The following LAMC3 variants were observed in gnomAD, a reference collection of about 807,000 sequenced individuals.
LAMC3 encodes laminin subunit gamma 3.
LAMC3 carries 128 observed loss-of-function variants against 173.8 expected under a neutral mutation model. The observed-to-expected ratio is 0.74, with a 90% CI of 0.64 to 0.85. The LOEUF is 0.85. LAMC3 is among the 40% of genes least tolerant of loss of function. The pLI is 0.00. For missense variants in LAMC3, 2,022 were observed against 2,156.0 expected (o/e 0.94, Z 1.23); for synonymous variants, 897 against 909.1 (o/e 0.99, Z 0.24).
chr9:131,091,621 C>T lies in LAMC3; in HGVS notation c.4562C>T (p.Ser1521Phe), dbSNP rs769624046. ...GAACGCCTGAGGCTGCAGCTGGGCT[C>T]CCCGGGGTCCTTGCAGAGGAAACTC... ...ALERLRLQLGSPGSLQRKLSL... is the reference protein window; with the variant it reads ...ALERLRLQLGFPGSLQRKLSL... The change falls in exon 28 of 28, where the codon TCC becomes TTC. Residue 1521 changes from serine (S) to phenylalanine (F), a missense_variant. Physicochemically the swap from Ser to Phe is radical, Grantham distance 155. Transcript: ENST00000361069. The T allele has an allele frequency of 6.3e-7, 1 of 1,596,522 alleles. No homozygotes were observed. Among genetic ancestry groups the T allele is most frequent in the Admixed American group, 1.8e-5 (1 of 56,828 alleles).
At chr9:131,054,319 AG>A (rs1834357115) in intron 11 of LAMC3, among the ~76,000 whole-genome samples, 1 of 152,110 alleles carries the variant, frequency 6.6e-6, no homozygotes. Context: ...GATGCCCTGG[AG>A]AAGCAGAGGA....
At chr9:131,080,785 C>T (rs1830224885) in intron 23 of LAMC3, among the ~76,000 whole-genome samples, 3 of 152,126 alleles carry the variant, frequency 2.0e-5, no homozygotes, top group Admixed American at 2.0e-4. Context: ...GGCCAGGCCC[C>T]AGCGTGTACA....
intron 27 of LAMC3, among the ~76,000 whole-genome samples, chr9:131,091,253 C>T (rs1288608113): frequency 6.6e-6 from 1 of 152,274 alleles, no homozygotes; most frequent in African/African-American, 2.4e-5. Context: ...AGAGAGGACT[C>T]ACCTGAGGCC....
At position 131,009,990 on chromosome 9, in the gene LAMC3, C is replaced by T. The variant is rs1044681562; in HGVS notation, c.373+403C>T. 6.6e-6 allele frequency among the ~76,000 whole-genome samples: 1 copy of T among 151,522 alleles called. No homozygotes were observed. Among genetic ancestry groups the T allele is most frequent in the African/African-American group, 2.4e-5 (1 of 41,206 alleles). Reference sequence around the variant, plus strand: ...CCAACATGGTGAAAACCCGTCTCTACTAAAAATAGAAAATTTGGCCGGGCG... The same window carrying T: ...CCAACATGGTGAAAACCCGTCTCTATTAAAAATAGAAAATTTGGCCGGGCG... On this transcript the variant is annotated intron_variant, in intron 1 of 27. Transcript: ENST00000361069. This position sits in a 1 kb window ranked among gnomAD's most constrained non-coding sequence, Gnocchi z 4.3.
chr9:131,045,669 T>G lies in LAMC3; in HGVS notation c.1519+9T>G. Reference sequence around the variant, plus strand: ...CAGCGATTTCCACCAGGGTAAGAGATGCTCCCTGCAAACGCCTCCCAAGGG... The same window carrying G: ...CAGCGATTTCCACCAGGGTAAGAGAGGCTCCCTGCAAACGCCTCCCAAGGG... On this transcript the variant is annotated intron_variant, in intron 8 of 27. Coordinates refer to ENST00000361069, the MANE Select transcript of LAMC3 (RefSeq NM_006059.4). 2 of 1,614,042 alleles carry G rather than the reference T, an allele frequency of 1.2e-6. No homozygotes were observed. Among genetic ancestry groups the G allele is most frequent in the South Asian group, 2.2e-5 (2 of 91,090 alleles).
intron 1 of LAMC3, among the ~76,000 whole-genome samples, chr9:131,012,515 C>G (rs1346931802): frequency 6.6e-6 from 1 of 152,268 alleles, no homozygotes; most frequent in Non-Finnish European, 1.5e-5. Context: ...GCCGCCCTGC[C>G]TCCTCAAAGA....
chr9:131,090,870 T>C (rs1171306802), intron 27 of LAMC3, among the ~76,000 whole-genome samples: 1 of 42,990 alleles, frequency 2.3e-5, no homozygotes, highest in Non-Finnish European at 4.7e-5. Flanking sequence ...CTACTAAAAA[T>C]ACAAAAAAAT....
At chr9:131,033,998 C>T (rs1368555724) in intron 3 of LAMC3, among the ~76,000 whole-genome samples, 2 of 152,148 alleles carry the variant, frequency 1.3e-5, no homozygotes, top group African/African-American at 4.8e-5. Flanking sequence ...CTCCAACCTG[C>T]CCCCTTATGT....
At chr9:131,061,355 A>G in intron 13 of LAMC3, 132 bp downstream of exon 13, 1 of 732,522 alleles carries the variant, frequency 1.4e-6, no homozygotes, top group East Asian at 2.7e-5. Flanking sequence ...GCTTACGGGC[A>G]GCAGGCATGA....
chr9:131,028,034 G>C (rs954368961), intron 2 of LAMC3, among the ~76,000 whole-genome samples: 1 of 152,238 alleles, frequency 6.6e-6, no homozygotes, highest in Non-Finnish European at 1.5e-5. Flanking sequence ...CTGGTCCATG[G>C]CCTGTTAGGA....
Position 131,036,212 on chromosome 9 carries a change from G to A in LAMC3, c.856G>A (p.Gly286Ser). Residue 286 changes from glycine (G) to serine (S), a missense_variant, in exon 4 of 28, where the codon GGC becomes AGC. Gly to Ser is a moderately conservative substitution (Grantham distance 56). Transcript: ENST00000361069. The part of the protein sequence containing the change: ...HASECGPDVA[G>S]QLACRCQHNT... Reference sequence around the variant, plus strand: ...CAGCGAGTGCGGCCCCGACGTGGCAGGCCAGTTGGCCTGCCGGTGCCAGCA... The same window carrying A: ...CAGCGAGTGCGGCCCCGACGTGGCAAGCCAGTTGGCCTGCCGGTGCCAGCA... The A allele has an allele frequency of 6.2e-7, 1 of 1,612,778 alleles. No homozygotes were observed. Among genetic ancestry groups the A allele is most frequent in the Non-Finnish European group, 8.5e-7 (1 of 1,179,858 alleles).
At position 131,061,082 on chromosome 9, in the gene LAMC3, T is replaced by C. The variant is rs1829802856; in HGVS notation, c.2206T>C (p.Cys736Arg). 5 of 1,614,184 alleles carry C rather than the reference T, an allele frequency of 3.1e-6. No individual in the cohort carries two copies. In the South Asian group the frequency reaches 3.3e-5, roughly 11 times the overall value. Residue 736 changes from cysteine (C) to arginine (R), a missense_variant, in exon 13 of 28, where the codon TGT becomes CGT. Transcript: ENST00000361069. The part of the protein sequence containing the change: ...HHTEGPSCER[C>R]LPGFYGNPFA... ...TACCGAGGGCCCATCCTGTGAACGCTGTTTGCCAGGTTTCTATGGCAACCC... is the reference window on the plus strand; with the variant it reads ...TACCGAGGGCCCATCCTGTGAACGCCGTTTGCCAGGTTTCTATGGCAACCC...
At position 131,026,176 on chromosome 9, in the gene LAMC3, A is replaced by C; in HGVS notation, c.374-109A>C. On this transcript the variant is annotated intron_variant, in intron 1 of 27. Coordinates refer to ENST00000361069, the MANE Select transcript of LAMC3 (RefSeq NM_006059.4). This position sits in a 1 kb window ranked among gnomAD's most constrained non-coding sequence, Gnocchi z 4.8. ...CTGTCCAGAGCTCCAGACAGCTTCCAGCGATCCATCCACGCTAGTGCCTGC... is the reference window on the plus strand; with the variant it reads ...CTGTCCAGAGCTCCAGACAGCTTCCCGCGATCCATCCACGCTAGTGCCTGC... The C allele has an allele frequency of 6.4e-7, 1 of 1,555,356 alleles. No individual in the cohort carries two copies. Among genetic ancestry groups the C allele is most frequent in the South Asian group, 1.2e-5 (1 of 84,160 alleles).
chr9:131,053,839 ACAACAG>A (rs1030639661), intron 11 of LAMC3, among the ~76,000 whole-genome samples: 43 of 139,116 alleles, frequency 3.1e-4, no homozygotes, highest in Non-Finnish European at 1.1e-4. Context: ...TCTCAAAACA[ACAACAG>A]CAACAATAAC....
chr9:131,072,311 C>A (rs1419929367), intron 18 of LAMC3, among the ~76,000 whole-genome samples: 1 of 152,132 alleles, frequency 6.6e-6, no homozygotes, highest in Non-Finnish European at 1.5e-5. Context: ...TCTTAAAATG[C>A]CCACATGTGA....
intron 2 of LAMC3, among the ~76,000 whole-genome samples, chr9:131,027,785 C>T (rs376175326): frequency 5.9e-5 from 9 of 152,234 alleles, no homozygotes; most frequent in African/African-American, 9.6e-5. Context: ...GAGATACGCG[C>T]GCATGACAGC....
chr9:131,067,265 G>C lies in LAMC3; in HGVS notation c.2593+60G>C. ...TGGTGGGCCCCTTCTCTTCTGCCCT[G>C]GCTCAGGGCCCAGAAGGGGTGGCTG... is the stretch of plus-strand genomic sequence containing the variant. On this transcript the variant is annotated intron_variant, in intron 14 of 27. Transcript: ENST00000361069. 5 of 1,604,590 alleles carry C rather than the reference G, an allele frequency of 3.1e-6. No individual in the cohort carries two copies. The South Asian group carries it at 5.5e-5, about 18-fold the overall frequency.
chr9:131,033,387 A>T (rs3808809), intron 3 of LAMC3, among the ~76,000 whole-genome samples: 2 of 152,068 alleles, frequency 1.3e-5, no homozygotes, highest in Non-Finnish European at 2.9e-5. Context: ...ACAAGGAAGG[A>T]GAGGAAAGGG....
At chr9:131,046,652 C>G (rs1161778309) in intron 8 of LAMC3, among the ~76,000 whole-genome samples, 2 of 151,134 alleles carry the variant, frequency 1.3e-5, no homozygotes, top group Non-Finnish European at 2.9e-5. Context: ...AGTGTCCGCG[C>G]CCAGCTGTTT....
Sources: allele counts gnomAD v4.1 joint callset (sites outside exome capture counted in the v4.1 genomes callset), GRCh38; gene constraint gnomAD v4.1.1; non-coding constraint Gnocchi (gnomAD v3.1); transcripts MANE v1.5; gene names NCBI Gene and HGNC (gene_info 2026-07-23, HGNC 2026-07-21).